The following SDK1 variants were observed in gnomAD, a reference collection of about 807,000 sequenced individuals.
The protein encoded by SDK1 is sidekick cell adhesion molecule 1, also known as protein sidekick-1.
SDK1 carries 157 observed loss-of-function variants against 245.5 expected under a neutral mutation model. The observed-to-expected ratio is 0.64, with a 90% CI of 0.56 to 0.73. SDK1 has a LOEUF of 0.73. SDK1 is among the 30% of genes least tolerant of loss of function. The pLI, the probability that SDK1 is intolerant of heterozygous loss-of-function variation, is 0.00. For missense variants in SDK1, 3,583 were observed against 3,002.3 expected (o/e 1.19, Z -4.52); for synonymous variants, 1,647 against 1,278.5 (o/e 1.29, Z -6.15).
chr7:3,391,241 G>T (rs567312669), intron 1 of SDK1, among the ~76,000 whole-genome samples: 10 of 152,138 alleles, frequency 6.6e-5, no homozygotes, highest in African/African-American at 2.4e-4. Flanking sequence ...GCTCACCAGC[G>T]AAATAATAGA....
At chr7:3,466,487 A>C (rs1254142804) in intron 1 of SDK1, among the ~76,000 whole-genome samples, 2 of 147,788 alleles carry the variant, frequency 1.4e-5, no homozygotes, top group African/African-American at 5.0e-5. Context: ...GGATCCAGCT[A>C]AGTTGTGTGT....
intron 25 of SDK1, among the ~76,000 whole-genome samples, chr7:4,120,421 A>C (rs1263178179): frequency 6.7e-6 from 1 of 148,920 alleles, no homozygotes; most frequent in Non-Finnish European, 1.5e-5. Flanking sequence ...TGAGGTGACT[A>C]TTCAGGAACA....
chr7:3,618,317 C>G (rs1027817018), intron 1 of SDK1, among the ~76,000 whole-genome samples: 13 of 152,226 alleles, frequency 8.5e-5, no homozygotes, highest in African/African-American at 3.1e-4. Flanking sequence ...TATCCCATCC[C>G]TCAGAGGTAA....
chr7:3,613,139 G>T (rs1781658329), intron 1 of SDK1, among the ~76,000 whole-genome samples: 1 of 152,138 alleles, frequency 6.6e-6, no homozygotes, highest in Non-Finnish European at 1.5e-5. Context: ...GGTTTCAGAT[G>T]ATACGACTTA....
At chr7:3,716,358 G>T (rs530271984) in intron 4 of SDK1, among the ~76,000 whole-genome samples, 3 of 152,250 alleles carry the variant, frequency 2.0e-5, no homozygotes, top group African/African-American at 7.2e-5. Flanking sequence ...TTAAACTTCT[G>T]TGTTGAAAAT....
rs1779779895 is a variant in SDK1 at position 3,826,518 on chromosome 7, T to C, written c.847+4935T>C. 2.0e-5 allele frequency among the ~76,000 whole-genome samples: 3 copies of C among 152,328 alleles called. No individual in the cohort carries two copies. The South Asian group carries it at 6.2e-4, about 32-fold the overall frequency. On this transcript the variant is annotated intron_variant, in intron 5 of 44. Coordinates refer to ENST00000404826, the MANE Select transcript of SDK1 (RefSeq NM_152744.4). ...TTGCCATCTGATTGTGCTGGTGTTG[T>C]GAGTGACTCAGATCTGTGCTTTCTT...
rs1562872023 is a variant in SDK1, at chr7:4,139,571, A to ATGTATATATG, written c.4229-6148_4229-6147insATATATGTGT. On this transcript the variant is annotated intron_variant, in intron 28 of 44. Transcript: ENST00000404826. ...TGTGTATATGTATATATGTGTGTAT[A>ATGTATATATG]TGTGTGTGTGTATGTGTGTGTATAT... Among the ~76,000 whole-genome samples, 24 of 15,378 alleles carry ATGTATATATG rather than the reference A, an allele frequency of 1.6e-3. 5 individuals carry two copies. Among genetic ancestry groups the ATGTATATATG allele is most frequent in the African/African-American group, 5.5e-3 (23 of 4,166 alleles). 10.1% of individuals were successfully genotyped at this position (15,378 alleles called of 152,430 possible).
At chr7:3,405,176 A>G (rs942034639) in intron 1 of SDK1, among the ~76,000 whole-genome samples, 1 of 143,416 alleles carries the variant, frequency 7.0e-6, no homozygotes, top group Non-Finnish European at 1.5e-5. Flanking sequence ...AAAAACAAAA[A>G]CAAAAACAAA....
intron 1 of SDK1, among the ~76,000 whole-genome samples, chr7:3,514,350 C>T (rs998920911): frequency 1.3e-5 from 2 of 152,172 alleles, no homozygotes; most frequent in African/African-American, 4.8e-5. Context: ...AAAATATATA[C>T]TTAAAACACC....
intron 1 of SDK1, among the ~76,000 whole-genome samples, chr7:3,538,008 A>G (rs1224889221): frequency 6.6e-6 from 1 of 152,176 alleles, no homozygotes; most frequent in Non-Finnish European, 1.5e-5. Context: ...GGATCCAGGC[A>G]CTGATGGTTT....
intron 17 of SDK1, among the ~76,000 whole-genome samples, chr7:4,023,866 A>C (rs1291429954): frequency 6.6e-6 from 1 of 152,262 alleles, no homozygotes; most frequent in East Asian, 1.9e-4. Context: ...AGTGTGGAAC[A>C]CTGGACACTG....
chr7:3,404,586 T>C (rs952368048), intron 1 of SDK1, among the ~76,000 whole-genome samples: 1 of 152,226 alleles, frequency 6.6e-6, no homozygotes, highest in African/African-American at 2.4e-5. Context: ...TTGACATGTT[T>C]AAAATCATTA....
In SDK1 at chr7:4,255,917, T is replaced by C. The variant is rs75609736; in HGVS notation, c.6382-9207T>C. On this transcript the variant is annotated intron_variant, in intron 44 of 44. Transcript: ENST00000404826. ...CTCTGAGCACCATTTCCAAATACTT[T>C]TTTTTTTTTTTTTTTTTTTTGAGAG... Among the ~76,000 whole-genome samples, 14 of 123,588 alleles carry C rather than the reference T, an allele frequency of 1.1e-4. 1 individual carries two copies. In the East Asian group the frequency reaches 4.0e-3, roughly 35 times the overall value. 81.1% of individuals were successfully genotyped at this position (123,588 alleles called of 152,430 possible). A position where few individuals can be genotyped will look rare whatever the true frequency, so the allele number is the denominator to read the frequency against.
intron 30 of SDK1, among the ~76,000 whole-genome samples, chr7:4,157,982 C>G (rs1328562479): frequency 6.6e-6 from 1 of 152,148 alleles, no homozygotes; most frequent in Non-Finnish European, 1.5e-5. Flanking sequence ...TTTTATACTT[C>G]GGATCAGCAC....
intron 14 of SDK1, among the ~76,000 whole-genome samples, chr7:4,002,363 T>C (rs1278468687): frequency 6.6e-6 from 1 of 152,206 alleles, no homozygotes; most frequent in Non-Finnish European, 1.5e-5. Context: ...CTGTGTTATT[T>C]CTGTTCATGT....
chr7:3,410,245 C>T (rs2128577094), intron 1 of SDK1, among the ~76,000 whole-genome samples: 1 of 152,210 alleles, frequency 6.6e-6, no homozygotes, highest in East Asian at 1.9e-4. Context: ...CACCTGACCT[C>T]ATTTGATGGG....
chr7:3,548,045 T>C (rs1158220034), intron 1 of SDK1, among the ~76,000 whole-genome samples: 1 of 152,216 alleles, frequency 6.6e-6, no homozygotes, highest in African/African-American at 2.4e-5. Context: ...CAAGAATTTG[T>C]CTCCCCAGTT....
At chr7:4,200,031 G>T (rs1021223758) in intron 35 of SDK1, among the ~76,000 whole-genome samples, 18 of 152,148 alleles carry the variant, frequency 1.2e-4, no homozygotes, top group Non-Finnish European at 2.4e-4. Context: ...GGAGGCAGAG[G>T]TTGCAGTGAG....
At chr7:4,208,356 C>G in intron 37 of SDK1, 71 bp downstream of exon 37, 1 of 1,434,256 alleles carries the variant, frequency 7.0e-7, no homozygotes, top group Non-Finnish European at 9.6e-7. Context: ...AGCTCAGGTC[C>G]CCTCACACAG....
Sources: allele counts gnomAD v4.1 joint callset (sites outside exome capture counted in the v4.1 genomes callset), GRCh38; gene constraint gnomAD v4.1.1; transcripts MANE v1.5; gene names NCBI Gene and HGNC (gene_info 2026-07-23, HGNC 2026-07-21).